Variants in VSIG10L observed in about 807,000 individuals in gnomAD.
VSIG10L encodes the protein V-set and immunoglobulin domain containing 10 like.
Under a neutral mutation model 67.3 loss-of-function variants are expected in VSIG10L, and 63 were observed. The observed-to-expected ratio is 0.94, with a 90% CI of 0.76 to 1.15. The LOEUF is 1.15. Ranked by LOEUF, VSIG10L falls within the 50% of genes most tolerant of loss-of-function variation. VSIG10L has a pLI of 0.00. For synonymous variants in VSIG10L, 499 were observed against 524.9 expected (o/e 0.95, Z 0.67); for missense variants, 1,050 against 1,177.5 (o/e 0.89, Z 1.58).
In VSIG10L at chr19:51,332,479, C is replaced by A; in HGVS notation, c.*132G>T. The A allele has an allele frequency of 9.5e-7, 1 of 1,051,880 alleles. No individual in the cohort carries two copies. Among genetic ancestry groups the A allele is most frequent in the Non-Finnish European group, 1.4e-6 (1 of 692,820 alleles). The allele number at this position is 1,051,880 out of a possible 1,614,324, so 65.2% of individuals were successfully genotyped here. On this transcript the variant is annotated 3_prime_UTR_variant, in exon 10 of 10. Coordinates refer to ENST00000335624, the MANE Select transcript of VSIG10L (RefSeq NM_001163922.3). ...AGAAAGTCCCACTTTCAGGGTCCAA[C>A]CCTCAGTCATAGCAGGCCCTGGCTG...
chr19:51,340,070 C>T lies in VSIG10L; in HGVS notation c.1419G>A (p.Ala473=), dbSNP rs2123557351. 7.0e-7 allele frequency: 1 copy of T among 1,433,688 alleles called. No homozygotes were observed. The highest frequency in any genetic ancestry group is 1.4e-5 in the South Asian group (1 of 72,986). 88.8% of individuals were successfully genotyped at this position (1,433,688 alleles called of 1,614,324 possible). The change falls in exon 4 of 10, where the codon GCG becomes GCA. Residue 473 remains alanine, a synonymous_variant. Transcript: ENST00000335624. The surrounding 1 kb of genome is among the most constrained non-coding windows in gnomAD (Gnocchi z 6.3). ...GGCGGCGGCCGGTACGCGGGTTCGC[C>T]GCCAGGCAGGCGTAGGTGCCTGCGT... ...PGHAGTYACL[A]ANPRTGRRRR... is the part of the protein sequence containing the mutation.
chr19:51,341,427 G>A lies in VSIG10L; in HGVS notation c.621C>T (p.Ile207=), dbSNP rs1203371939. ...TGGGGATTGGGACTAGGGGGAGCCG[G>A]ATGGTGGTCCCCACCAGCACAGCGA... ...GPLAVLVGTT[I]RLPLVPIPNP... is the part of the protein sequence containing the mutation. Residue 207 remains isoleucine, a synonymous_variant, in exon 2 of 10, where the codon ATC becomes ATT. Transcript: ENST00000335624. The A allele has an allele frequency of 2.0e-6, 3 of 1,534,246 alleles. No homozygotes were observed. Among genetic ancestry groups the A allele is most frequent in the Non-Finnish European group, 2.6e-6 (3 of 1,138,764 alleles).
chr19:51,339,882 C>G (rs1163192982), intron 4 of VSIG10L, 133 bp downstream of exon 4: 1 of 1,050,424 alleles, frequency 9.5e-7, no homozygotes, highest in East Asian at 4.0e-5. Flanking sequence ...GTGACCCGCC[C>G]TCCCGCTGGC....
Position 51,341,642 on chromosome 19 carries a change from A to T in VSIG10L, c.406T>A (p.Phe136Ile). 1 of 1,551,736 alleles carries T rather than the reference A, an allele frequency of 6.4e-7. No individual in the cohort carries two copies. Among genetic ancestry groups the T allele is most frequent in the Non-Finnish European group, 8.7e-7 (1 of 1,146,996 alleles). ...TTTGAAGCTGGGGTCTTAACAGTGA[A>T]GGAAGGCTTGGGGTCTTTGGCAGGA... ...QVPAKDPKPS[F>I]TVKTPASNIS... is the part of the protein sequence containing the mutation. Residue 136 changes from phenylalanine (F) to isoleucine (I), a missense_variant, in exon 2 of 10, where the codon TTC becomes ATC. Physicochemically the swap from Phe to Ile is conservative, Grantham distance 21. Transcript: ENST00000335624.
chr19:51,338,952 G>A lies in VSIG10L; in HGVS notation c.1665C>T (p.Ser555=), dbSNP rs1390992054. 3 of 1,428,954 alleles carry A rather than the reference G, an allele frequency of 2.1e-6. No individual in the cohort carries two copies. Among genetic ancestry groups the A allele is most frequent in the African/African-American group, 1.5e-5 (1 of 67,014 alleles). 88.5% of individuals were successfully genotyped at this position (1,428,954 alleles called of 1,614,324 possible). The part of the protein sequence containing the change: ...LAAVPAHPRL[S]GVPITCLARH... ...GAGCAAGGCAGGTGATGGGGACGCC[G>A]CTGAGCCGGGGGTGGGCGGGGACGG... Residue 555 remains serine, a synonymous_variant, in exon 5 of 10, where the codon AGC becomes AGT. Coordinates refer to ENST00000335624, the MANE Select transcript of VSIG10L (RefSeq NM_001163922.3).
At chr19:51,336,617 G>C (rs961136979) in intron 7 of VSIG10L, among the ~76,000 whole-genome samples, 1 of 152,118 alleles carries the variant, frequency 6.6e-6, no homozygotes, top group South Asian at 2.1e-4. Context: ...GAAGAAGCCT[G>C]TGGGAAGCTG....
chr19:51,340,865 G>T lies in VSIG10L; in HGVS notation c.896-139C>A. On this transcript the variant is annotated intron_variant, in intron 2 of 9. Transcript: ENST00000335624. This position sits in a 1 kb window ranked among gnomAD's most constrained non-coding sequence, Gnocchi z 6.3. Reference sequence around the variant, plus strand: ...TCCCTCTCCTCTCATAAACCTATGAGTTTGAGCCCCCAGACACCTCCTCTC... The same window carrying T: ...TCCCTCTCCTCTCATAAACCTATGATTTTGAGCCCCCAGACACCTCCTCTC... 1 of 1,190,602 alleles carries T rather than the reference G, an allele frequency of 8.4e-7. No individual in the cohort carries two copies. Among genetic ancestry groups the T allele is most frequent in the Non-Finnish European group, 1.1e-6 (1 of 895,958 alleles). The allele number at this position is 1,190,602 out of a possible 1,614,324, so 73.8% of individuals were successfully genotyped here. A position where few individuals can be genotyped will look rare whatever the true frequency, so the allele number is the denominator to read the frequency against.
chr19:51,336,866 G>A (rs1013744268), intron 7 of VSIG10L, among the ~76,000 whole-genome samples: 8 of 143,668 alleles, frequency 5.6e-5, no homozygotes, highest in African/African-American at 1.6e-4. Flanking sequence ...TCCCGGGTTC[G>A]CGCCATTCTC....
intron 7 of VSIG10L, among the ~76,000 whole-genome samples, 186 bp downstream of exon 7, chr19:51,337,052 C>G (rs1361987724): frequency 6.6e-6 from 1 of 152,174 alleles, no homozygotes; most frequent in Non-Finnish European, 1.5e-5. Context: ...AGGCGTGAGC[C>G]ACCGCGCCCA....
rs769763868 is a variant in VSIG10L, at chr19:51,332,645, A to G, written c.2575-5T>C. ...CAACTGAACTGGGGTCTGTGCCTGG[A>G]AGAGAGAGGTGGGGTGAGGGGAGAA... is the stretch of plus-strand genomic sequence containing the variant. On this transcript the variant is annotated splice_region_variant and splice_polypyrimidine_tract_variant and intron_variant, in intron 9 of 9. Coordinates refer to ENST00000335624, the MANE Select transcript of VSIG10L (RefSeq NM_001163922.3). 1 of 1,550,610 alleles carries G rather than the reference A, an allele frequency of 6.4e-7. No individual in the cohort carries two copies. The highest frequency in any genetic ancestry group is 8.7e-7 in the Non-Finnish European group (1 of 1,146,390).
intron 9 of VSIG10L, 69 bp downstream of exon 9, chr19:51,333,722 C>T: frequency 6.9e-7 from 1 of 1,451,934 alleles, no homozygotes; most frequent in Non-Finnish European, 9.1e-7. Flanking sequence ...GAGACCCTCT[C>T]ATCTCCCTGA....
chr19:51,340,460 C>G lies in VSIG10L; in HGVS notation c.1162G>C (p.Glu388Gln). The change falls in exon 3 of 10, where the codon GAG becomes CAG. Residue 388 changes from glutamate to glutamine, a missense_variant. Glu to Gln is a conservative substitution (Grantham distance 29). Around this residue, in one of 3 missense-constraint regions of VSIG10L, gnomAD observed 511 missense variants for 557.9 expected, o/e 0.92. Coordinates refer to ENST00000335624, the MANE Select transcript of VSIG10L (RefSeq NM_001163922.3). The surrounding 1 kb of genome is among the most constrained non-coding windows in gnomAD (Gnocchi z 6.3). The stretch of plus-strand genomic sequence containing the variant: ...AAGACGCTGACGTCGGCGGCAGCCT[C>G]CCTGTGGCCGAAGGGGCTGCGGACG... ...CRVRSPFGHREAAADVSVFYG... is the reference protein window; with the variant it reads ...CRVRSPFGHRQAAADVSVFYG... 6.7e-7 allele frequency: 1 copy of G among 1,500,986 alleles called. No homozygotes were observed. The highest frequency in any genetic ancestry group is 8.9e-7 in the Non-Finnish European group (1 of 1,124,040). The allele number at this position is 1,500,986 out of a possible 1,614,324, so 93.0% of individuals were successfully genotyped here. A position where few individuals can be genotyped will look rare whatever the true frequency, so the allele number is the denominator to read the frequency against.
intron 9 of VSIG10L, among the ~76,000 whole-genome samples, 160 bp downstream of exon 9, chr19:51,333,631 C>T (rs1328139326): frequency 1.3e-5 from 2 of 152,054 alleles, no homozygotes; most frequent in Non-Finnish European, 2.9e-5. Context: ...GCGGGAAGCT[C>T]TGTCCAACTT....
intron 5 of VSIG10L, 113 bp from the exon 6 acceptor site, chr19:51,338,321 C>G (rs936340412): frequency 8.2e-7 from 1 of 1,219,384 alleles, no homozygotes; most frequent in Non-Finnish European, 1.1e-6. Flanking sequence ...GCTTTGGCCA[C>G]CTGAGAAAGA....
chr19:51,333,451 C>T (rs1057156928), intron 9 of VSIG10L, among the ~76,000 whole-genome samples: 14 of 151,924 alleles, frequency 9.2e-5, no homozygotes, highest in African/African-American at 3.4e-4. Flanking sequence ...ATCGCTTGAA[C>T]CCAGGAGGCG....
At position 51,339,126 on chromosome 19, in the gene VSIG10L, G is replaced by A; in HGVS notation, c.1491C>T (p.Ala497=). The part of the protein sequence containing the change: ...NLTVADLPPG[A]PQCSVEGGPG... ...GACCCCCTTCAACTGAGCACTGTGG[G>A]GCCCCGGGGGGCAGGTCTGCGGAGA... The change falls in exon 5 of 10, where the codon GCC becomes GCT. Residue 497 remains alanine (A), a synonymous_variant. Coordinates refer to ENST00000335624, the MANE Select transcript of VSIG10L (RefSeq NM_001163922.3). 10 of 1,310,840 alleles carry A rather than the reference G, an allele frequency of 7.6e-6. No individual in the cohort carries two copies. The highest frequency in any genetic ancestry group is 8.8e-6 in the Non-Finnish European group (9 of 1,021,542). 81.2% of individuals were successfully genotyped at this position (1,310,840 alleles called of 1,614,324 possible).
intron 9 of VSIG10L, among the ~76,000 whole-genome samples, chr19:51,333,091 T>C (rs1317564569): frequency 6.6e-6 from 1 of 152,150 alleles, no homozygotes; most frequent in Non-Finnish European, 1.5e-5. Context: ...CTCAAGTGAT[T>C]CTCTCTCCTC....
intron 7 of VSIG10L, among the ~76,000 whole-genome samples, chr19:51,336,227 G>A (rs1328952318): frequency 2.0e-5 from 3 of 152,086 alleles, no homozygotes; most frequent in African/African-American, 7.2e-5. Context: ...AGGTATTAGG[G>A]TGGACCCTAA....
At position 51,341,584 on chromosome 19, in the gene VSIG10L, G is replaced by T; in HGVS notation, c.464C>A (p.Ser155Tyr). The T allele has an allele frequency of 6.4e-7, 1 of 1,551,750 alleles. No homozygotes were observed. Residue 155 changes from serine (S) to tyrosine (Y), a missense_variant, in exon 2 of 10, where the codon TCT becomes TAT. This residue lies in a region of VSIG10L where 511 missense variants were observed against 557.9 expected (regional missense o/e 0.92). Coordinates refer to ENST00000335624, the MANE Select transcript of VSIG10L (RefSeq NM_001163922.3). ...GAATTTTGAATCTGGGGCCTCAACA[G>T]ACAGTTTGGTATGGGAGACTTGAGT... ...ISTQVSHTKL[S>Y]VEAPDSKFSP...
Sources: gnomAD v4.1 joint callset for allele counts (sites outside exome capture counted in the v4.1 genomes callset) on GRCh38, gnomAD v4.1.1 for gene constraint, gnomAD v4.1.1 regional missense constraint, Gnocchi (gnomAD v3.1) non-coding constraint, MANE v1.5 for transcripts, NCBI Gene and HGNC (gene_info 2026-07-23, HGNC 2026-07-21) for gene names.